CDH12: variants seen among roughly 807,000 people sequenced by gnomAD.
CDH12 encodes the protein cadherin-12.
A neutral mutation model predicts 74.1 loss-of-function variants in CDH12; 41 were observed. The ratio of observed to expected loss-of-function variants is 0.55; its 90% CI spans 0.43 to 0.72. The LOEUF is 0.72. Ranked by LOEUF, CDH12 falls within the 30% of genes least tolerant of loss-of-function variation. The pLI, the probability that CDH12 is intolerant of heterozygous loss-of-function variation, is 0.00. For missense variants in CDH12, 945 were observed against 977.2 expected, an observed-to-expected ratio of 0.97 and a Z score of 0.44; for synonymous variants, 399 against 355.0, an observed-to-expected ratio of 1.12 and a Z score of -1.39.
chr5:21,918,130 C>T (rs988119581), intron 6 of CDH12, among the ~76,000 whole-genome samples: 3 of 128,812 alleles, frequency 2.3e-5, no homozygotes, highest in Non-Finnish European at 5.1e-5. Context: ...TATGCTGATA[C>T]ACTGCTATTT....
intron 5 of CDH12, among the ~76,000 whole-genome samples, chr5:22,032,793 A>T (rs1051750902): frequency 3.4e-5 from 5 of 147,732 alleles, no homozygotes; most frequent in East Asian, 2.0e-4. Flanking sequence ...ATACATATTT[A>T]TATATATATA....
At chr5:22,739,198 G>T (rs925646449) in intron 1 of CDH12, among the ~76,000 whole-genome samples, 1 of 151,822 alleles carries the variant, frequency 6.6e-6, no homozygotes, top group Non-Finnish European at 1.5e-5. Context: ...TTTCATAAAA[G>T]ACATACATTC....
intron 4 of CDH12, among the ~76,000 whole-genome samples, chr5:22,152,544 A>C (rs1226660385): frequency 6.6e-6 from 1 of 152,154 alleles, no homozygotes; most frequent in Non-Finnish European, 1.5e-5. Flanking sequence ...TACAACATGA[A>C]ATTTTGAAAC....
At chr5:22,174,604 G>A (rs551393201) in intron 4 of CDH12, among the ~76,000 whole-genome samples, 7 of 152,008 alleles carry the variant, frequency 4.6e-5, no homozygotes, top group South Asian at 4.1e-4. Context: ...AATATAGACC[G>A]ACCATAATGA....
intron 1 of CDH12, among the ~76,000 whole-genome samples, chr5:22,802,222 C>T (rs570461537): frequency 3.3e-5 from 5 of 150,650 alleles, no homozygotes; most frequent in Admixed American, 6.6e-5. Flanking sequence ...CCTGGGTTCA[C>T]GCCATTCTCC....
At position 21,872,385 on chromosome 5, in the gene CDH12, C is replaced by A. The variant is rs1751670448; in HGVS notation, c.527-17595G>T. ...AGCACTTTATCTCTCAGCTGTGTGC[C>A]AAGAATTCTATAGTACCATAAATAT... On this transcript the variant is annotated intron_variant, in intron 6 of 14. Coordinates refer to ENST00000382254, the MANE Select transcript of CDH12 (RefSeq NM_004061.5). Among the ~76,000 whole-genome samples, 6 of 152,160 alleles carry A rather than the reference C, an allele frequency of 3.9e-5. No individual in the cohort carries two copies. The South Asian group carries it at 1.2e-3, about 32-fold the overall frequency.
chr5:22,045,847 A>G (rs1739912950), intron 5 of CDH12, among the ~76,000 whole-genome samples: 1 of 152,138 alleles, frequency 6.6e-6, no homozygotes. Flanking sequence ...ATTTACAGTT[A>G]AGAGGGATAA....
At chr5:22,384,991 C>G (rs1741939483) in intron 3 of CDH12, among the ~76,000 whole-genome samples, 1 of 152,046 alleles carries the variant, frequency 6.6e-6, no homozygotes, top group Non-Finnish European at 1.5e-5. Context: ...TTATGTTAAA[C>G]TAAATAAAAT....
chr5:22,535,992 G>C (rs1435577689), intron 1 of CDH12, among the ~76,000 whole-genome samples: 1 of 152,164 alleles, frequency 6.6e-6, no homozygotes, highest in Non-Finnish European at 1.5e-5. Context: ...CATTGTCTTA[G>C]GTATTACATT....
chr5:22,186,852 A>T (rs541289857), intron 4 of CDH12, among the ~76,000 whole-genome samples: 1 of 152,206 alleles, frequency 6.6e-6, no homozygotes, highest in African/African-American at 2.4e-5. Context: ...TGGAAAATGT[A>T]TACTTCCAAT....
chr5:22,524,418 T>G (rs1375426972), intron 1 of CDH12, among the ~76,000 whole-genome samples: 1 of 152,244 alleles, frequency 6.6e-6, no homozygotes, highest in Non-Finnish European at 1.5e-5. Context: ...AACACCAGTT[T>G]GTGCATCTCT....
chr5:22,756,802 A>G (rs1463413552), intron 1 of CDH12, among the ~76,000 whole-genome samples: 1 of 152,068 alleles, frequency 6.6e-6, no homozygotes. Context: ...TCTACTAAAA[A>G]TACAAAACTT....
At chr5:22,810,942 T>C (rs1749107712) in intron 1 of CDH12, among the ~76,000 whole-genome samples, 1 of 148,622 alleles carries the variant, frequency 6.7e-6, no homozygotes, top group South Asian at 2.1e-4. Context: ...TACACATATA[T>C]ACTTACATAT....
chr5:22,673,968 A>G (rs1307731205), intron 1 of CDH12, among the ~76,000 whole-genome samples: 1 of 152,214 alleles, frequency 6.6e-6, no homozygotes, highest in East Asian at 1.9e-4. Context: ...GTCTGTGACA[A>G]CACGTCTAGG....
chr5:21,975,076 G>C lies in CDH12; in HGVS notation c.526+15C>G. 1 of 1,567,320 alleles carries C rather than the reference G, an allele frequency of 6.4e-7. No individual in the cohort carries two copies. Among genetic ancestry groups the C allele is most frequent in the Non-Finnish European group, 8.6e-7 (1 of 1,162,966 alleles). On this transcript the variant is annotated intron_variant, in intron 6 of 14. Coordinates refer to ENST00000382254, the MANE Select transcript of CDH12 (RefSeq NM_004061.5). ...GTCTCATTGTATCTCACAGAATTTT[G>C]ATTTGCCTACTCACCCACAGGAGAC...
At chr5:22,481,494 G>C (rs541925085) in intron 2 of CDH12, among the ~76,000 whole-genome samples, 3 of 152,148 alleles carry the variant, frequency 2.0e-5, no homozygotes, top group African/African-American at 7.2e-5. Flanking sequence ...AAAATGTGGC[G>C]TATTTACAGT....
intron 1 of CDH12, among the ~76,000 whole-genome samples, chr5:22,684,213 A>G (rs1052310361): frequency 1.3e-5 from 2 of 152,212 alleles, no homozygotes; most frequent in African/African-American, 4.8e-5. Flanking sequence ...TATGGGACAC[A>G]CGAGACATTT....
At chr5:22,276,298 C>T (rs1011063175) in intron 3 of CDH12, among the ~76,000 whole-genome samples, 3 of 152,138 alleles carry the variant, frequency 2.0e-5, no homozygotes, top group Non-Finnish European at 2.9e-5. Flanking sequence ...TAAAAGAAAT[C>T]TCATTATCTT....
At chr5:22,508,251 T>A (rs1465746537) in intron 1 of CDH12, among the ~76,000 whole-genome samples, 1 of 152,140 alleles carries the variant, frequency 6.6e-6, no homozygotes, top group Non-Finnish European at 1.5e-5. Flanking sequence ...CAAATTCCTA[T>A]CTAAGGGGTC....
Sources: gnomAD v4.1 joint callset for allele counts (sites outside exome capture counted in the v4.1 genomes callset) on GRCh38, gnomAD v4.1.1 for gene constraint, MANE v1.5 for transcripts, NCBI Gene and HGNC (gene_info 2026-07-23, HGNC 2026-07-21) for gene names.